The following TAB2 variants were observed in gnomAD, a reference collection of about 807,000 sequenced individuals.
The protein encoded by TAB2 is TGF-beta-activated kinase 1 and MAP3K7-binding protein 2.
TAB2 carries 3 observed loss-of-function variants against 65.0 expected under a neutral mutation model. The observed-to-expected ratio is 0.05, with a 90% confidence interval of 0.02 to 0.12. The LOEUF (loss-of-function observed/expected upper bound fraction) is 0.12. TAB2 is among the 10% of genes least tolerant of loss of function. The pLI is 1.00. For missense variants in TAB2, 623 were observed against 840.3 expected (o/e 0.74, Z 3.20); for synonymous variants, 298 against 285.1 (o/e 1.05, Z -0.46).
intron 1 of TAB2, among the ~76,000 whole-genome samples, chr6:149,346,009 T>C (rs950540389): frequency 6.6e-6 from 1 of 152,172 alleles, no homozygotes; most frequent in Admixed American, 6.5e-5. Flanking sequence ...ATTGAGGTTG[T>C]TTTTAGAAGC....
chr6:149,252,194 G>A (rs758504473), intron 1 of TAB2, among the ~76,000 whole-genome samples: 3 of 152,010 alleles, frequency 2.0e-5, no homozygotes, highest in Non-Finnish European at 2.9e-5. Context: ...ATCACCTAAG[G>A]TCAGGAGTTT....
intron 1 of TAB2, among the ~76,000 whole-genome samples, chr6:149,359,949 A>G (rs1029811214): frequency 5.9e-5 from 9 of 152,146 alleles, no homozygotes; most frequent in African/African-American, 1.9e-4. Context: ...TTTGGTATCT[A>G]TTGAGATAAT....
Position 149,409,743 on chromosome 6 carries a change from T to TA in TAB2, c.*28dup, listed in dbSNP as rs768798041. 1.2e-6 allele frequency: 2 copies of TA among 1,613,724 alleles called. No individual in the cohort carries two copies. Among genetic ancestry groups the TA allele is most frequent in the African/African-American group, 2.7e-5 (2 of 74,932 alleles). On this transcript the variant is annotated 3_prime_UTR_variant, in exon 7 of 7. Transcript: ENST00000637181. ...GAGCCAAATGGCCCTGTATCTTCTC[T>TA]AAAACCACATCTAAAGTTCAAGAAA...
chr6:149,359,409 C>T (rs1308247886), intron 1 of TAB2, among the ~76,000 whole-genome samples: 2 of 152,192 alleles, frequency 1.3e-5, no homozygotes, highest in East Asian at 1.9e-4. Context: ...GGTGCGGGCT[C>T]GTGTCTTTAA....
chr6:149,340,766 G>A (rs1278384706), intron 1 of TAB2, among the ~76,000 whole-genome samples: 1 of 152,044 alleles, frequency 6.6e-6, no homozygotes, highest in African/African-American at 2.4e-5. Context: ...CTAAGTTTTA[G>A]TATATTTTGA....
chr6:149,243,556 A>C (rs1777642764), intron 1 of TAB2: 1 of 152,234 alleles, frequency 6.6e-6, no homozygotes, highest in South Asian at 2.1e-4. Flanking sequence ...CACAGGAGAC[A>C]ACTTTAACTA....
chr6:149,276,514 C>A (rs1343740993), intron 1 of TAB2, among the ~76,000 whole-genome samples: 1 of 152,064 alleles, frequency 6.6e-6, no homozygotes, highest in Middle Eastern at 3.2e-3. Context: ...CCTATAAACT[C>A]CAAATTTCTT....
chr6:149,254,059 GAGGAAGGAAGGAAGGAAGGA>G lies in TAB2; in HGVS notation c.-121+35320_-121+35339del, dbSNP rs202028741. ...AGAGAGAAAGAAAGAGGGAGAGAGG[GAGGAAGGAAGGAAGGAAGGA>G]AGGAAGGAAGGAAGGAAGGAAGGAA... On this transcript the variant is annotated intron_variant, in intron 1 of 1. Coordinates refer to the TAB2 transcript ENST00000606202. Among the ~76,000 whole-genome samples, 378 of 103,738 alleles carry G rather than the reference GAGGAAGGAAGGAAGGAAGGA, an allele frequency of 3.6e-3. 2 individuals are homozygous for G. The highest frequency in any genetic ancestry group is 9.7e-3 in the African/African-American group (266 of 27,340). 68.1% of individuals were successfully genotyped at this position (103,738 alleles called of 152,430 possible).
chr6:149,297,552 G>A (rs1034246540), intron 1 of TAB2, among the ~76,000 whole-genome samples: 3 of 151,972 alleles, frequency 2.0e-5, no homozygotes, highest in African/African-American at 7.3e-5. Flanking sequence ...TTGAGATTGG[G>A]TTTTGCTCTA....
chr6:149,382,877 G>T (rs892450443), intron 3 of TAB2, among the ~76,000 whole-genome samples: 1 of 152,064 alleles, frequency 6.6e-6, no homozygotes, highest in Non-Finnish European at 1.5e-5. Flanking sequence ...CTTAAGGCTG[G>T]GCATGGTGGC....
chr6:149,379,397 T>G lies in TAB2; in HGVS notation c.1482T>G (p.Pro494=), dbSNP rs1401744522. ...AACTTACAAATCTTCTTAATCATCC[T>G]GATCATTATGTAGAAACCGAGAATA... ...TFELTNLLNH[P]DHYVETENIQ... The change falls in exon 3 of 7, where the codon CCT becomes CCG. Residue 494 remains proline, a synonymous_variant. Coordinates refer to ENST00000637181, the MANE Select transcript of TAB2 (RefSeq NM_001292034.3). The G allele has an allele frequency of 1.2e-6, 2 of 1,614,076 alleles. No homozygotes were observed. The highest frequency in any genetic ancestry group is 1.7e-6 in the Non-Finnish European group (2 of 1,180,042).
chr6:149,375,460 T>C (rs1030110231), intron 2 of TAB2, among the ~76,000 whole-genome samples: 1 of 152,168 alleles, frequency 6.6e-6, no homozygotes, highest in Non-Finnish European at 1.5e-5. Flanking sequence ...GATATGAACA[T>C]ATTGAATAAT....
intron 1 of TAB2, among the ~76,000 whole-genome samples, chr6:149,225,484 C>G (rs12201953): frequency 5.9e-5 from 9 of 152,160 alleles, no homozygotes; most frequent in Non-Finnish European, 1.3e-4. Context: ...TTTGACATGA[C>G]CCATGGAATA....
intron 1 of TAB2, chr6:149,320,948 A>G (rs535156861): frequency 3.5e-4 from 53 of 152,304 alleles, no homozygotes; most frequent in African/African-American, 1.2e-3. Context: ...TCTCTCTAGA[A>G]TGGAAGGATT....
upstream of TAB2, among the ~76,000 whole-genome samples, chr6:149,312,770 T>C (rs984698523): frequency 6.6e-6 from 1 of 152,230 alleles, no homozygotes; most frequent in African/African-American, 2.4e-5. Flanking sequence ...ATATTGATCA[T>C]GTACAACACG....
chr6:149,280,669 A>G (rs1778556828), intron 1 of TAB2, among the ~76,000 whole-genome samples: 1 of 152,200 alleles, frequency 6.6e-6, no homozygotes, highest in Admixed American at 6.5e-5. Flanking sequence ...CATAAGGCAC[A>G]GTGGCTCATA....
intron 1 of TAB2, among the ~76,000 whole-genome samples, chr6:149,295,079 G>A (rs111622178): frequency 2.6e-5 from 4 of 152,044 alleles, no homozygotes; most frequent in South Asian, 2.1e-4. Flanking sequence ...CCTCCCATAC[G>A]CAGTTGAATA....
chr6:149,236,183 T>TGGTG, intron 1 of TAB2, among the ~76,000 whole-genome samples: 1 of 152,288 alleles, frequency 6.6e-6, no homozygotes, highest in African/African-American at 2.4e-5. Flanking sequence ...GCTTCACCAC[T>TGGTG]ACACAATATA....
In TAB2 at chr6:149,369,962, C is replaced by G. The variant is rs772776978; in HGVS notation, c.-36C>G. On this transcript the variant is annotated 5_prime_UTR_variant, in exon 2 of 7. Coordinates refer to ENST00000637181, the MANE Select transcript of TAB2 (RefSeq NM_001292034.3). ...TATTTCCACTAAGGCCTAGAATTGC[C>G]TACTGTACAAATAGTCCTGATCAGG... is the stretch of plus-strand genomic sequence containing the variant. 1 of 1,558,294 alleles carries G rather than the reference C, an allele frequency of 6.4e-7. No homozygotes were observed. Among genetic ancestry groups the G allele is most frequent in the South Asian group, 1.1e-5 (1 of 89,892 alleles).
Sources: gnomAD v4.1 joint callset for allele counts (sites outside exome capture counted in the v4.1 genomes callset) on GRCh38, gnomAD v4.1.1 for gene constraint, MANE v1.5 for transcripts, NCBI Gene and HGNC (gene_info 2026-07-23, HGNC 2026-07-21) for gene names.